SLC1A3: variants seen among roughly 807,000 people sequenced by gnomAD.
The protein encoded by SLC1A3 is excitatory amino acid transporter 1.
In SLC1A3, 21 loss-of-function variants were observed where a neutral mutation model predicts 48.1. The observed-to-expected ratio is 0.44, with a 90% CI of 0.31 to 0.63. SLC1A3 has a LOEUF of 0.63. Among genes scored for constraint, SLC1A3 ranks in the 20% least tolerant of loss-of-function variants. The pLI, the probability that SLC1A3 is intolerant of heterozygous loss-of-function variation, is 0.08. For synonymous variants in SLC1A3, 239 were observed against 251.4 expected (o/e 0.95, Z 0.47); for missense variants, 546 against 689.0 (o/e 0.79, Z 2.32).
intron 8 of SLC1A3, among the ~76,000 whole-genome samples, chr5:36,683,018 T>C (rs1742498055): frequency 1.3e-5 from 2 of 152,266 alleles, no homozygotes; most frequent in Admixed American, 6.5e-5. Context: ...ATAAAAAGTA[T>C]TTCTAATACT....
In SLC1A3 at chr5:36,683,928, G is replaced by A; in HGVS notation, c.1354G>A (p.Val452Ile). The change falls in exon 9 of 10, where the codon GTC becomes ATC. Residue 452 changes from valine to isoleucine, a missense_variant. Val to Ile is a conservative substitution (Grantham distance 29). Around this residue, in one of 3 missense-constraint regions of SLC1A3, gnomAD observed 142 missense variants for 238.0 expected, o/e 0.60. Transcript: ENST00000265113. ...TCCTCAGGCGGGCCTGGTCACTATG[G>A]TCATTGTGCTGACATCTGTCGGCCT... Reference protein sequence around the residue: ...GIPQAGLVTMVIVLTSVGLPT... With the variant: ...GIPQAGLVTMIIVLTSVGLPT... 1.2e-6 allele frequency: 2 copies of A among 1,614,164 alleles called. No individual in the cohort carries two copies. The highest frequency in any genetic ancestry group is 1.7e-6 in the Non-Finnish European group (2 of 1,180,012).
chr5:36,597,202 G>A (rs1186368000), intron 1 of SLC1A3, among the ~76,000 whole-genome samples: 2 of 120,802 alleles, frequency 1.7e-5, no homozygotes, highest in African/African-American at 6.0e-5. Flanking sequence ...TTTTGATTTT[G>A]AAAGTCACAC....
intron 3 of SLC1A3, among the ~76,000 whole-genome samples, chr5:36,638,229 T>C (rs554596505): frequency 2.0e-5 from 3 of 152,116 alleles, no homozygotes; most frequent in Non-Finnish European, 4.4e-5. Context: ...AGGTACTGTG[T>C]CTTTATCTGG....
chr5:36,679,811 A>T lies in SLC1A3; in HGVS notation c.1045A>T (p.Ile349Phe), dbSNP rs1183210247. The T allele has an allele frequency of 1.9e-6, 3 of 1,614,082 alleles. No individual in the cohort carries two copies. The highest frequency in any genetic ancestry group is 1.7e-5 in the Admixed American group (1 of 60,026). The change falls in exon 7 of 10, where the codon ATT becomes TTT. Residue 349 changes from isoleucine (I) to phenylalanine (F), a missense_variant. Ile to Phe is a conservative substitution (Grantham distance 21). Transcript: ENST00000265113. The stretch of plus-strand genomic sequence containing the variant: ...AACACGGAAAAACCCTTGGGTTTTT[A>T]TTGGAGGGTTGCTGCAAGCACTCAT... Reference protein sequence around the residue: ...LVTRKNPWVFIGGLLQALITA... With the variant: ...LVTRKNPWVFFGGLLQALITA...
chr5:36,634,180 G>A (rs1204550578), intron 3 of SLC1A3, among the ~76,000 whole-genome samples: 1 of 152,092 alleles, frequency 6.6e-6, no homozygotes, highest in Non-Finnish European at 1.5e-5. Flanking sequence ...GGAGTCTGAG[G>A]CAGGAGAATC....
intron 3 of SLC1A3, chr5:36,636,209 G>C (rs1014381177): frequency 3.9e-5 from 6 of 152,182 alleles, no homozygotes; most frequent in Non-Finnish European, 8.8e-5. Context: ...TTCTCTAGGA[G>C]CTGAGGATAC....
At chr5:36,669,378 C>G (rs543454180) in intron 3 of SLC1A3, 2 of 152,192 alleles carry the variant, frequency 1.3e-5, no homozygotes, top group South Asian at 4.2e-4. Flanking sequence ...ATACTTAGCC[C>G]CGGGTTTCGA....
At chr5:36,669,972 A>C (rs1224055774) in intron 3 of SLC1A3, 1 of 151,602 alleles carries the variant, frequency 6.6e-6, no homozygotes, top group Non-Finnish European at 1.5e-5. Context: ...AAAAAAAAAA[A>C]CTCAATTAAC....
In SLC1A3 at chr5:36,618,455, G is replaced by A. The variant is rs574687261; in HGVS notation, c.181+9851G>A. 5.4e-4 allele frequency among the ~76,000 whole-genome samples: 83 copies of A among 152,324 alleles called. No homozygotes were observed. In the Middle Eastern group the frequency reaches 0.014, roughly 25 times the overall value. ...CTAGGATCACCCCGCTCCCAGGCCA[G>A]CCCTGGCTGCTTTAGTTACAGTCTT... On this transcript the variant is annotated intron_variant, in intron 2 of 9. Coordinates refer to ENST00000265113, the MANE Select transcript of SLC1A3 (RefSeq NM_004172.5).
chr5:36,641,841 A>G (rs1239633638), intron 3 of SLC1A3, among the ~76,000 whole-genome samples: 1 of 152,250 alleles, frequency 6.6e-6, no homozygotes, highest in African/African-American at 2.4e-5. Flanking sequence ...AAGTAGGAGC[A>G]CACTTACTAT....
rs1438373732 is a variant in SLC1A3, at chr5:36,687,246, C to T, written c.*977C>T. On this transcript the variant is annotated 3_prime_UTR_variant, in exon 10 of 10. Coordinates refer to ENST00000265113, the MANE Select transcript of SLC1A3 (RefSeq NM_004172.5). ...CTGCCACTCCTCAACTGATGATAGACTTCGAAAACAGATGAGAAGACTAGC... is the reference window on the plus strand; with the variant it reads ...CTGCCACTCCTCAACTGATGATAGATTTCGAAAACAGATGAGAAGACTAGC... The T allele has an allele frequency of 6.6e-6, 1 of 152,010 alleles. No homozygotes were observed. Among genetic ancestry groups the T allele is most frequent in the East Asian group, 1.9e-4 (1 of 5,196 alleles). The allele number at this position is 152,010 out of a possible 1,614,324, so 9.4% of individuals were successfully genotyped here. A position where few individuals can be genotyped will look rare whatever the true frequency, so the allele number is the denominator to read the frequency against.
upstream of SLC1A3, among the ~76,000 whole-genome samples, chr5:36,603,904 C>T (rs978668914): frequency 6.6e-6 from 1 of 152,122 alleles, no homozygotes; most frequent in Non-Finnish European, 1.5e-5. Context: ...GTTTTCTAAT[C>T]CATTTTGTTG....
intron 3 of SLC1A3, among the ~76,000 whole-genome samples, chr5:36,658,623 G>C (rs1242643162): frequency 6.6e-6 from 1 of 152,016 alleles, no homozygotes; most frequent in Non-Finnish European, 1.5e-5. Flanking sequence ...TTGTTTGTTT[G>C]TTTAATCAAA....
intron 3 of SLC1A3, among the ~76,000 whole-genome samples, chr5:36,648,889 A>G (rs1024368090): frequency 3.2e-4 from 49 of 152,202 alleles, no homozygotes; most frequent in African/African-American, 1.2e-3. Context: ...AAGCAAAAAA[A>G]TTTCCCAAGA....
chr5:36,679,242 G>T (rs1193567991), intron 6 of SLC1A3, among the ~76,000 whole-genome samples: 1 of 152,190 alleles, frequency 6.6e-6, no homozygotes, highest in Non-Finnish European at 1.5e-5. Flanking sequence ...GGCAGAGGGA[G>T]TGAGTGGCAT....
chr5:36,608,624 A>AC lies in SLC1A3; in HGVS notation c.181+21dup, dbSNP rs1242621963. 2 of 1,581,402 alleles carry AC rather than the reference A, an allele frequency of 1.3e-6. No homozygotes were observed. On this transcript the variant is annotated intron_variant, in intron 2 of 9. Transcript: ENST00000265113. ...TTGTGGGTGAGTCATTTGATTAAAA[A>AC]CAAAAAAACCTGTATCTTGTTTCTC...
intron 3 of SLC1A3, among the ~76,000 whole-genome samples, chr5:36,632,532 G>T (rs1399874779): frequency 3.3e-5 from 5 of 152,312 alleles, no homozygotes; most frequent in South Asian, 4.1e-4. Context: ...TTGTGTAGTA[G>T]CCATTCTGGT....
At position 36,674,584 on chromosome 5, in the gene SLC1A3, G is replaced by A. The variant is rs1742131747; in HGVS notation, c.567+493G>A. The stretch of plus-strand genomic sequence containing the variant: ...AGAAAGGAATGGCATCATCATTCAT[G>A]GAAATCCTGCTATATGCCAAGCACT... On this transcript the variant is annotated intron_variant, in intron 5 of 9. Transcript: ENST00000265113. Among the ~76,000 whole-genome samples the A allele has an allele frequency of 2.0e-5, 3 of 151,532 alleles. No homozygotes were observed. The South Asian group carries it at 6.3e-4, about 32-fold the overall frequency.
At chr5:36,652,820 CAAAAT>C (rs1177364958) in intron 3 of SLC1A3, among the ~76,000 whole-genome samples, 1 of 152,124 alleles carries the variant, frequency 6.6e-6, no homozygotes, top group African/African-American at 2.4e-5. Context: ...TTCCCCAAAA[CAAAAT>C]AAAGTTAATA....
Sources: allele counts gnomAD v4.1 joint callset (sites outside exome capture counted in the v4.1 genomes callset), GRCh38; gene constraint gnomAD v4.1.1; regional missense constraint gnomAD v4.1.1; transcripts MANE v1.5; gene names NCBI Gene and HGNC (gene_info 2026-07-23, HGNC 2026-07-21).